Variants in TEX14 observed in about 807,000 individuals in gnomAD.
TEX14 encodes the protein inactive serine/threonine-protein kinase TEX14.
Under a neutral mutation model 178.6 loss-of-function variants are expected in TEX14, and 168 were observed. The ratio of observed to expected loss-of-function variants is 0.94; its 90% CI spans 0.83 to 1.07. The LOEUF is 1.07. TEX14 is among the 50% of genes least tolerant of loss of function. The pLI is 0.00. For synonymous variants in TEX14, 626 were observed against 634.1 expected, an observed-to-expected ratio of 0.99 and a Z score of 0.19; for missense variants, 1,730 against 1,753.6, an observed-to-expected ratio of 0.99 and a Z score of 0.24.
intron 1 of TEX14, among the ~76,000 whole-genome samples, chr17:58,672,210 C>T (rs1341862516): frequency 2.0e-5 from 3 of 152,158 alleles, no homozygotes; most frequent in Non-Finnish European, 4.4e-5. Flanking sequence ...AATGACATCA[C>T]CTCCTGCTGT....
intron 1 of TEX14, among the ~76,000 whole-genome samples, chr17:58,656,776 G>A (rs1166616706): frequency 1.4e-5 from 2 of 146,884 alleles, no homozygotes; most frequent in African/African-American, 2.5e-5. Context: ...GAAAAAAATT[G>A]GCCAGGCGTG....
intron 2 of TEX14, among the ~76,000 whole-genome samples, chr17:58,634,400 G>A (rs1016254060): frequency 6.6e-6 from 1 of 152,164 alleles, no homozygotes; most frequent in Non-Finnish European, 1.5e-5. Flanking sequence ...GCAACAGAGT[G>A]AGACTCTGTC....
At chr17:58,592,682 G>A (rs1365033226) in intron 15 of TEX14, among the ~76,000 whole-genome samples, 1 of 151,522 alleles carries the variant, frequency 6.6e-6, no homozygotes, top group Admixed American at 6.6e-5. Flanking sequence ...GGGATTACAG[G>A]TGCCCGCCAC....
chr17:58,592,471 A>T (rs901712996), intron 15 of TEX14, among the ~76,000 whole-genome samples: 3 of 151,812 alleles, frequency 2.0e-5, no homozygotes, highest in African/African-American at 7.3e-5. Flanking sequence ...AGTAGCTGGG[A>T]CTATAGGCGC....
chr17:58,659,801 ATTC>A lies in TEX14; in HGVS notation c.-1-7802_-1-7800del, dbSNP rs889598267. Among the ~76,000 whole-genome samples the A allele has an allele frequency of 8.6e-4, 131 of 152,006 alleles. 1 individual carries two copies. Among genetic ancestry groups the A allele is most frequent in the African/African-American group, 3.0e-3 (124 of 41,472 alleles). On this transcript the variant is annotated intron_variant, in intron 1 of 31. Coordinates refer to ENST00000349033, the MANE Select transcript of TEX14 (RefSeq NM_031272.5). ...AACCTCCGCCTCCCAGGTTCAAGCA[ATTC>A]TTCTGCCTCAGCCTCCCGAGTAGCT...
chr17:58,621,457 A>G (rs111660518), intron 5 of TEX14, among the ~76,000 whole-genome samples, 193 bp downstream of exon 5: 114 of 152,184 alleles, frequency 7.5e-4, no homozygotes, highest in African/African-American at 2.6e-3. Flanking sequence ...GGGAGAGGAG[A>G]GAGAGGGCGA....
At position 58,611,274 on chromosome 17, in the gene TEX14, G is replaced by C; in HGVS notation, c.1071C>G (p.Ala357=). The change falls in exon 10 of 32, where the codon GCC becomes GCG. Residue 357 remains alanine, a synonymous_variant. Transcript: ENST00000349033. ...ACCCCTGGAAATGCAGGTATCTCAG[G>C]GCATCAGATATCTGGAGCAGCAGGT... ...IVHLLLQISD[A]LRYLHFQGFI... The C allele has an allele frequency of 2.5e-6, 4 of 1,612,984 alleles. No homozygotes were observed. Among genetic ancestry groups the C allele is most frequent in the Middle Eastern group, 3.3e-4 (2 of 6,050 alleles).
In TEX14 at chr17:58,605,032, T is replaced by G; in HGVS notation, c.1282A>C (p.Thr428Pro). 1 of 1,614,246 alleles carries G rather than the reference T, an allele frequency of 6.2e-7. No individual in the cohort carries two copies. ...APEVILQKAA[T>P]VKSDIYSFSM... ...AAGCTGTAGATGTCTGATTTCACTG[T>G]GGCTGCCTTCTGTAAGATCACTTCT... is the stretch of plus-strand genomic sequence containing the variant. The change falls in exon 11 of 32, where the codon ACA (threonine) becomes CCA (proline). Residue 428 changes from threonine (T) to proline (P), a missense_variant. Physicochemically the swap from Thr to Pro is conservative, Grantham distance 38. Around this residue, in one of 2 missense-constraint regions of TEX14, gnomAD observed 789 missense variants for 681.2 expected, o/e 1.16. Coordinates refer to ENST00000349033, the MANE Select transcript of TEX14 (RefSeq NM_031272.5).
chr17:58,580,335 G>A (rs550237638), intron 19 of TEX14, among the ~76,000 whole-genome samples: 6 of 152,046 alleles, frequency 3.9e-5, no homozygotes, highest in Admixed American at 1.3e-4. Context: ...TTTTTGAGAC[G>A]GAGTCTCATT....
Position 58,556,795 on chromosome 17 carries a change from C to A in TEX14, c.*216G>T. 2 of 486,158 alleles carry A rather than the reference C, an allele frequency of 4.1e-6. No individual in the cohort carries two copies. Among genetic ancestry groups the A allele is most frequent in the Non-Finnish European group, 3.7e-6 (1 of 273,532 alleles). The allele number at this position is 486,158 out of a possible 1,614,324, so 30.1% of individuals were successfully genotyped here. A position where few individuals can be genotyped will look rare whatever the true frequency, so the allele number is the denominator to read the frequency against. ...CAAAAATTTTTACTATCAAAACTAC[C>A]TCTCACTTTTCAGAAATCTGACTGA... is the stretch of plus-strand genomic sequence containing the variant. On this transcript the variant is annotated 3_prime_UTR_variant, in exon 32 of 32. Transcript: ENST00000349033.
intron 18 of TEX14, 98 bp downstream of exon 18, chr17:58,585,703 G>T: frequency 8.6e-7 from 1 of 1,162,092 alleles, no homozygotes. Flanking sequence ...TGATCCGCTC[G>T]CCTCACCTCC....
chr17:58,593,518 G>T, intron 15 of TEX14, 37 bp downstream of exon 15: 2 of 1,475,512 alleles, frequency 1.4e-6, no homozygotes, highest in Non-Finnish European at 1.9e-6. Flanking sequence ...AAGTCTAAAG[G>T]CATAGTGACA....
chr17:58,564,895 A>C lies in TEX14; in HGVS notation c.4038T>G (p.Thr1346=). The change falls in exon 28 of 32, where the codon ACT becomes ACG. Residue 1346 remains threonine (T), a synonymous_variant. Coordinates refer to ENST00000349033, the MANE Select transcript of TEX14 (RefSeq NM_031272.5). ...TCTCTGTGTCCTCTCCAAGATCTTCAGTTTCTTTGGACAAAAGCATACTAC... is the reference window on the plus strand; with the variant it reads ...TCTCTGTGTCCTCTCCAAGATCTTCCGTTTCTTTGGACAAAAGCATACTAC... The part of the protein sequence containing the change: ...EDSSMLLSKE[T]EDLGEDTERA... 6.2e-7 allele frequency: 1 copy of C among 1,604,526 alleles called. No homozygotes were observed. The highest frequency in any genetic ancestry group is 8.5e-7 in the Non-Finnish European group (1 of 1,175,174).
chr17:58,683,124 G>A (rs1456097941), intron 1 of TEX14, among the ~76,000 whole-genome samples: 1 of 150,888 alleles, frequency 6.6e-6, no homozygotes, highest in African/African-American at 2.4e-5. Flanking sequence ...TGTAATCCCA[G>A]CAGTTTGGGA....
intron 22 of TEX14, 35 bp from the exon 23 acceptor site, chr17:58,573,343 G>C: frequency 6.3e-7 from 1 of 1,598,068 alleles, no homozygotes; most frequent in Non-Finnish European, 8.5e-7. Flanking sequence ...ATGATGAGAA[G>C]ATGACTAGAA....
intron 1 of TEX14, among the ~76,000 whole-genome samples, chr17:58,670,203 T>C (rs1000216172): frequency 6.6e-6 from 1 of 152,220 alleles, no homozygotes; most frequent in Non-Finnish European, 1.5e-5. Context: ...ATTATTCCAC[T>C]GTGTGATTAT....
At chr17:58,587,756 A>G in intron 16 of TEX14, 90 bp from the exon 17 acceptor site, 1 of 1,173,566 alleles carries the variant, frequency 8.5e-7, no homozygotes, top group African/African-American at 1.5e-5. Context: ...CCAAAAGCCC[A>G]CCAGCCCATC....
chr17:58,691,323 G>A (rs1306064319), intron 1 of TEX14, among the ~76,000 whole-genome samples: 1 of 152,114 alleles, frequency 6.6e-6, no homozygotes, highest in South Asian at 2.1e-4. Context: ...GCTCTGATTT[G>A]CAATATTTAG....
In TEX14 at chr17:58,620,989, TGGTGAG is replaced by T. The variant is rs2045985030; in HGVS notation, c.554+655_554+660del. On this transcript the variant is annotated intron_variant, in intron 5 of 31. Coordinates refer to ENST00000349033, the MANE Select transcript of TEX14 (RefSeq NM_031272.5). ...CAGGACAAGGAAGCCTGCAAAAGTG[TGGTGAG>T]CCCAGCTACCCTGCTTACAGAAAGA... 2.6e-5 allele frequency among the ~76,000 whole-genome samples: 4 copies of T among 152,120 alleles called. No individual in the cohort carries two copies. The East Asian group carries it at 7.7e-4, about 29-fold the overall frequency.
Sources: allele counts gnomAD v4.1 joint callset (sites outside exome capture counted in the v4.1 genomes callset), GRCh38; gene constraint gnomAD v4.1.1; regional missense constraint gnomAD v4.1.1; transcripts MANE v1.5; gene names NCBI Gene and HGNC (gene_info 2026-07-23, HGNC 2026-07-21).